CAMTA1: variants seen among roughly 807,000 people sequenced by gnomAD.
CAMTA1 encodes calmodulin binding transcription activator 1, also known as calmodulin-binding transcription activator 1.
In CAMTA1, 27 loss-of-function variants were observed where a neutral mutation model predicts 170.9. That is an observed-to-expected ratio of 0.16 (90% CI 0.12 to 0.22). CAMTA1 has a LOEUF of 0.22. CAMTA1 is among the 10% of genes least tolerant of loss of function. CAMTA1 has a pLI of 1.00. For missense variants in CAMTA1, 1,619 were observed against 2,217.2 expected (o/e 0.73, Z 5.42); for synonymous variants, 833 against 891.5 (o/e 0.93, Z 1.17).
intron 11 of CAMTA1, among the ~76,000 whole-genome samples, chr1:7,728,103 C>T (rs2096704672): frequency 2.0e-5 from 3 of 152,216 alleles, no homozygotes; most frequent in Admixed American, 6.5e-5. Flanking sequence ...CTTCTCAGAG[C>T]AGCTTAATAT....
intron 6 of CAMTA1, among the ~76,000 whole-genome samples, chr1:7,472,900 C>T (rs569705169): frequency 6.6e-6 from 1 of 152,150 alleles, no homozygotes; most frequent in Non-Finnish European, 1.5e-5. Flanking sequence ...TCACTCCAGG[C>T]GGTCCTGGCC....
At chr1:7,467,645 G>A (rs1363046040) in intron 5 of CAMTA1, among the ~76,000 whole-genome samples, 185 bp from the exon 6 acceptor site, 2 of 152,190 alleles carry the variant, frequency 1.3e-5, no homozygotes, top group African/African-American at 2.4e-5. Flanking sequence ...TCCCCACGGG[G>A]CTTCGTAGGT....
intron 4 of CAMTA1, among the ~76,000 whole-genome samples, chr1:7,194,246 G>A (rs776330450): frequency 4.5e-4 from 68 of 152,124 alleles, no homozygotes; most frequent in Admixed American, 1.6e-3. Context: ...TTTTTGGTAC[G>A]TTGGTTTTAA....
rs1409675932 is a variant in CAMTA1, at chr1:7,655,233, CA to C, written c.665-6492del. On this transcript the variant is annotated intron_variant, in intron 7 of 22. Transcript: ENST00000303635. Reference sequence around the variant, plus strand: ...AAACACACCCATCTATACACACACACACCTATACACACACACCTATACACAC... The same window carrying C: ...AAACACACCCATCTATACACACACACCCTATACACACACACCTATACACAC... Among the ~76,000 whole-genome samples, 902 of 149,110 alleles carry C rather than the reference CA, an allele frequency of 6.0e-3. 12 individuals carry two copies. Among genetic ancestry groups the C allele is most frequent in the African/African-American group, 0.021 (831 of 40,152 alleles).
intron 6 of CAMTA1, among the ~76,000 whole-genome samples, chr1:7,617,410 C>G (rs1476821971): frequency 6.6e-6 from 1 of 152,220 alleles, no homozygotes; most frequent in South Asian, 2.1e-4. Context: ...AGACAACCCT[C>G]TGCCTGAAAT....
chr1:7,535,291 C>T (rs908903758), intron 6 of CAMTA1, among the ~76,000 whole-genome samples: 7 of 152,138 alleles, frequency 4.6e-5, no homozygotes, highest in African/African-American at 1.7e-4. Context: ...CTGCTGAGGG[C>T]TGGGAGCTCT....
At chr1:7,499,313 TGTGTG>T (rs1557822299) in intron 6 of CAMTA1, among the ~76,000 whole-genome samples, 2 of 115,236 alleles carry the variant, frequency 1.7e-5, no homozygotes, top group African/African-American at 7.0e-5. Flanking sequence ...TATATGAGTG[TGTGTG>T]CATGTGTGTA....
intron 3 of CAMTA1, among the ~76,000 whole-genome samples, chr1:7,045,117 C>CT (rs1201816148): frequency 2.0e-5 from 3 of 152,080 alleles, no homozygotes; most frequent in Non-Finnish European, 1.5e-5. Context: ...GTTTTATGTG[C>CT]TTCTCTTTTA....
chr1:7,073,110 A>G (rs996103717), intron 3 of CAMTA1, among the ~76,000 whole-genome samples: 8 of 152,176 alleles, frequency 5.3e-5, no homozygotes, highest in Admixed American at 5.2e-4. Flanking sequence ...GATTTTGGCC[A>G]TATTTTGAAG....
chr1:7,279,045 G>A (rs1671134956), intron 5 of CAMTA1, among the ~76,000 whole-genome samples: 1 of 152,134 alleles, frequency 6.6e-6, no homozygotes, highest in Admixed American at 6.5e-5. Flanking sequence ...AAGGCCCTGG[G>A]GGCCTGAGGA....
chr1:6,972,910 G>A lies in CAMTA1; in HGVS notation c.235-118394G>A, dbSNP rs535662795. ...CTGTTTGCCCAGGCTGGAGTGCAGC[G>A]GTGTGATCTTGGCTCACGGTAACCC... On this transcript the variant is annotated intron_variant, in intron 3 of 22. Transcript: ENST00000303635. Among the ~76,000 whole-genome samples, 61 of 152,074 alleles carry A rather than the reference G, an allele frequency of 4.0e-4. No homozygotes were observed. The South Asian group carries it at 7.5e-3, about 19-fold the overall frequency.
At position 7,044,880 on chromosome 1, in the gene CAMTA1, C is replaced by T. The variant is rs1208570264; in HGVS notation, c.235-46424C>T. ...CAGCAGTGCCTCCTCTCCCCATTAA[C>T]ATCCCGCCATTTTGATTAAAAAAAA... On this transcript the variant is annotated intron_variant, in intron 3 of 22. Transcript: ENST00000303635. This position sits in a 1 kb window ranked among gnomAD's most constrained non-coding sequence, Gnocchi z 5.0. Among the ~76,000 whole-genome samples the T allele has an allele frequency of 8.7e-6, 1 of 115,564 alleles. No homozygotes were observed. Among genetic ancestry groups the T allele is most frequent in the Non-Finnish European group, 1.8e-5 (1 of 56,162 alleles). The allele number at this position is 115,564 out of a possible 152,430, so 75.8% of individuals were successfully genotyped here.
rs576884429 is a variant in CAMTA1, at chr1:7,600,622, C to A, written c.511-39778C>A. On this transcript the variant is annotated intron_variant, in intron 6 of 22. Coordinates refer to ENST00000303635, the MANE Select transcript of CAMTA1 (RefSeq NM_015215.4). ...GTCTCTGGTTTTCCTAGGCAGAGGA[C>A]CCTGCGGCCTTCCAAAGTGTTTGTG... Among the ~76,000 whole-genome samples, 668 of 151,770 alleles carry A rather than the reference C, an allele frequency of 4.4e-3. 6 individuals carry two copies. Among genetic ancestry groups the A allele is most frequent in the African/African-American group, 0.016 (647 of 41,336 alleles).
intron 5 of CAMTA1, among the ~76,000 whole-genome samples, chr1:7,390,114 G>A (rs749702070): frequency 2.4e-4 from 37 of 152,332 alleles, no homozygotes; most frequent in Middle Eastern, 6.8e-3. Flanking sequence ...ACGGCGCAGG[G>A]CTGGTTCCTT....
chr1:7,466,099 G>T (rs1271605878), intron 5 of CAMTA1, among the ~76,000 whole-genome samples: 1 of 152,218 alleles, frequency 6.6e-6, no homozygotes, highest in Admixed American at 6.5e-5. Context: ...AAGGAAAGGA[G>T]ATGGTGAATG....
chr1:7,762,436 A>G (rs1026759980), intron 22 of CAMTA1, among the ~76,000 whole-genome samples: 3 of 152,250 alleles, frequency 2.0e-5, no homozygotes, highest in African/African-American at 7.2e-5. Flanking sequence ...ATTCTAGTAT[A>G]TGTTATTCTA....
chr1:7,181,369 A>G (rs1210969075), intron 4 of CAMTA1, among the ~76,000 whole-genome samples: 3 of 152,186 alleles, frequency 2.0e-5, no homozygotes, highest in East Asian at 3.8e-4. Flanking sequence ...CTATCCCACA[A>G]TTGTACTGGA....
chr1:7,169,586 A>C (rs1649190677), intron 4 of CAMTA1, among the ~76,000 whole-genome samples: 1 of 152,082 alleles, frequency 6.6e-6, no homozygotes, highest in African/African-American at 2.4e-5. Context: ...ATCTCAGTTC[A>C]CTGCAATCTC....
rs771505429 is a variant in CAMTA1, at chr1:7,640,563, C to T, written c.664+10C>T. 7 of 1,613,954 alleles carry T rather than the reference C, an allele frequency of 4.3e-6. No individual in the cohort carries two copies. Among genetic ancestry groups the T allele is most frequent in the Non-Finnish European group, 5.9e-6 (7 of 1,179,966 alleles). On this transcript the variant is annotated intron_variant, in intron 7 of 22. Coordinates refer to ENST00000303635, the MANE Select transcript of CAMTA1 (RefSeq NM_015215.4). ...CAGCTGAAACCCATGTGTGAGTGGC[C>T]TTGGCCGGCCTGGCGCCCCCACGCT...
Sources: allele counts gnomAD v4.1 joint callset (sites outside exome capture counted in the v4.1 genomes callset), GRCh38; gene constraint gnomAD v4.1.1; non-coding constraint Gnocchi (gnomAD v3.1); transcripts MANE v1.5; gene names NCBI Gene and HGNC (gene_info 2026-07-23, HGNC 2026-07-21).